BNC2: variants seen among roughly 807,000 people sequenced by gnomAD.
BNC2 encodes basonuclin zinc finger protein 2, also known as zinc finger protein basonuclin-2.
In BNC2, 20 loss-of-function variants were observed where a neutral mutation model predicts 76.3. The observed-to-expected ratio is 0.26, with a 90% CI of 0.18 to 0.38. The LOEUF is 0.38. BNC2 is among the 10% of genes least tolerant of loss of function. The pLI, the probability that BNC2 is intolerant of heterozygous loss-of-function variation, is 1.00. For missense variants in BNC2, 1,382 were observed against 1,399.8 expected, an observed-to-expected ratio of 0.99 and a Z score of 0.20; for synonymous variants, 582 against 514.8, an observed-to-expected ratio of 1.13 and a Z score of -1.77.
chr9:16,858,205 T>C (rs1050735136), intron 1 of BNC2, among the ~76,000 whole-genome samples: 2 of 152,210 alleles, frequency 1.3e-5, no homozygotes, highest in African/African-American at 4.8e-5. Context: ...GAGGTATTTA[T>C]AAAACCAAAA....
In BNC2 at chr9:16,663,128, C is replaced by CTTTTTTTTTTTTTTTT. The variant is rs1220327938; in HGVS notation, c.330+64668_330+64669insAAAAAAAAAAAAAAAA. Among the ~76,000 whole-genome samples the CTTTTTTTTTTTTTTTT allele has an allele frequency of 1.6e-3, 83 of 51,662 alleles. 5 individuals carry two copies. Among genetic ancestry groups the CTTTTTTTTTTTTTTTT allele is most frequent in the African/African-American group, 5.6e-3 (81 of 14,576 alleles). The allele number at this position is 51,662 out of a possible 152,430, so 33.9% of individuals were successfully genotyped here. A position where few individuals can be genotyped will look rare whatever the true frequency, so the allele number is the denominator to read the frequency against. On this transcript the variant is annotated intron_variant, in intron 3 of 6. Transcript: ENST00000380672. ...ATCCATAGGCACTCCACTCTGTTTACTCTTTTTTTTTTTTTTTTGGAGACG... is the reference window on the plus strand; with the variant it reads ...ATCCATAGGCACTCCACTCTGTTTACTTTTTTTTTTTTTTTTTCTTTTTTTTTTTTTTTTGGAGACG...
At chr9:16,654,043 A>G (rs1318078521) in intron 3 of BNC2, among the ~76,000 whole-genome samples, 2 of 152,152 alleles carry the variant, frequency 1.3e-5, no homozygotes, top group African/African-American at 4.8e-5. Context: ...CACACCTACA[A>G]GCGCAGTCTG....
chr9:16,553,423 T>C (rs4961493), intron 4 of BNC2, among the ~76,000 whole-genome samples: 48,978 of 152,064 alleles, frequency 0.32, 8,967 homozygotes, highest in East Asian at 0.42. Flanking sequence ...ACCTGTTAGA[T>C]AGCTTTTGTG....
At chr9:16,480,855 G>A (rs930564775) in intron 5 of BNC2, among the ~76,000 whole-genome samples, 10 of 152,098 alleles carry the variant, frequency 6.6e-5, no homozygotes, top group East Asian at 3.9e-4. Flanking sequence ...GCTCCACGGC[G>A]CCCAGTCCCA....
intron 5 of BNC2, among the ~76,000 whole-genome samples, chr9:16,460,083 T>C: frequency 6.6e-6 from 1 of 152,316 alleles, no homozygotes; most frequent in South Asian, 2.1e-4. Flanking sequence ...ACATATTTTA[T>C]TAAAGTTGAT....
intron 1 of BNC2, among the ~76,000 whole-genome samples, chr9:16,856,192 A>C (rs886222475): frequency 6.6e-6 from 1 of 151,812 alleles, no homozygotes; most frequent in African/African-American, 2.4e-5. Flanking sequence ...TCTACCTTCT[A>C]TTCTGCCTTC....
intron 1 of BNC2, among the ~76,000 whole-genome samples, chr9:16,770,909 G>A (rs1406910997): frequency 3.9e-5 from 6 of 152,094 alleles, no homozygotes; most frequent in African/African-American, 1.4e-4. Flanking sequence ...GGTGGCTCAC[G>A]CCTATAATCC....
chr9:16,693,127 C>CTAA (rs758059006), intron 3 of BNC2, among the ~76,000 whole-genome samples: 1 of 60,472 alleles, frequency 1.7e-5, no homozygotes, highest in Non-Finnish European at 2.7e-5. Context: ...AAGACAGTCT[C>CTAA]AAAAAAAAAA....
chr9:16,468,452 G>A (rs933015433), intron 5 of BNC2, among the ~76,000 whole-genome samples: 2 of 151,832 alleles, frequency 1.3e-5, no homozygotes, highest in African/African-American at 4.8e-5. Context: ...CTGGAGTACA[G>A]AGGCATGATC....
At chr9:16,577,470 C>T (rs1819518153) in intron 4 of BNC2, among the ~76,000 whole-genome samples, 1 of 151,982 alleles carries the variant, frequency 6.6e-6, no homozygotes, top group Non-Finnish European at 1.5e-5. Context: ...TAACTTTATA[C>T]TTCTCATCAT....
chr9:16,575,250 T>C (rs1340465470), intron 4 of BNC2: 5 of 985,120 alleles, frequency 5.1e-6, no homozygotes, highest in Non-Finnish European at 6.0e-6. Flanking sequence ...ACCTATTTTG[T>C]ATATTGCCTC....
intron 1 of BNC2, among the ~76,000 whole-genome samples, chr9:16,800,433 G>C (rs919315394): frequency 2.0e-5 from 3 of 152,006 alleles, no homozygotes; most frequent in African/African-American, 7.2e-5. Flanking sequence ...TCAAAAGTAA[G>C]GCAAATCCTG....
In BNC2 at chr9:16,494,343, G is replaced by T. The variant is rs184060533; in HGVS notation, c.670-56819C>A. On this transcript the variant is annotated intron_variant, in intron 5 of 6. Transcript: ENST00000380672. ...AATTTTTATATTTTTAGTAGAGATG[G>T]GGTTTCACCATGTTGGCCGGGGTGG... 1.2e-3 allele frequency among the ~76,000 whole-genome samples: 189 copies of T among 152,082 alleles called. 3 individuals are homozygous for T. Among genetic ancestry groups the T allele is most frequent in the Admixed American group, 0.011 (171 of 15,266 alleles).
chr9:16,584,770 A>G (rs1032135630), intron 3 of BNC2, among the ~76,000 whole-genome samples: 1 of 152,212 alleles, frequency 6.6e-6, no homozygotes, highest in Non-Finnish European at 1.5e-5. Context: ...AGTTTATTTA[A>G]ATAACATGTT....
chr9:16,651,798 C>A (rs1020622772), intron 3 of BNC2, among the ~76,000 whole-genome samples: 1 of 152,078 alleles, frequency 6.6e-6, no homozygotes, highest in African/African-American at 2.4e-5. Flanking sequence ...CAAGGGATAA[C>A]TCAACTGACA....
At chr9:16,537,144 C>G (rs1048055887) in intron 5 of BNC2, among the ~76,000 whole-genome samples, 6 of 151,954 alleles carry the variant, frequency 3.9e-5, no homozygotes, top group Non-Finnish European at 7.4e-5. Flanking sequence ...TTTCAACTAC[C>G]CTGGATAGAA....
intron 2 of BNC2, among the ~76,000 whole-genome samples, chr9:16,729,813 C>T (rs946751617): frequency 6.6e-6 from 1 of 152,106 alleles, no homozygotes; most frequent in Non-Finnish European, 1.5e-5. Context: ...TGAAGTGGCA[C>T]TCAGTGCCTC....
chr9:16,460,829 G>A (rs193230049), intron 5 of BNC2, among the ~76,000 whole-genome samples: 3 of 152,016 alleles, frequency 2.0e-5, no homozygotes, highest in Admixed American at 6.5e-5. Context: ...AGCAGTACTC[G>A]TGAAAGGCCT....
At chr9:16,600,906 T>C (rs975055237) in intron 3 of BNC2, among the ~76,000 whole-genome samples, 2 of 152,116 alleles carry the variant, frequency 1.3e-5, no homozygotes, top group African/African-American at 2.4e-5. Flanking sequence ...CAACAAAGGG[T>C]AGAAATGTAA....
Sources: allele counts gnomAD v4.1 joint callset (sites outside exome capture counted in the v4.1 genomes callset), GRCh38; gene constraint gnomAD v4.1.1; transcripts MANE v1.5; gene names NCBI Gene and HGNC (gene_info 2026-07-23, HGNC 2026-07-21).